CPHXL2: variants seen among roughly 807,000 people sequenced by gnomAD.
CPHXL2 encodes the protein cytoplasmic polyadenylated homeobox like 2.
chr16:75,660,276 C>T, the CPHXL2 span: 6 of 398,342 alleles, frequency 1.5e-5, no homozygotes, highest in Middle Eastern at 6.2e-4. Flanking sequence ...TGCAAAGCTG[C>T]ATCCTTGGGT....
the CPHXL2 span, among the ~76,000 whole-genome samples, chr16:75,670,635 A>G: frequency 6.6e-6 from 1 of 152,032 alleles, no homozygotes; most frequent in Non-Finnish European, 1.5e-5. Flanking sequence ...CAGCCTCCTG[A>G]GTAGCTGGGA....
At chr16:75,675,049 CATG>C in the CPHXL2 span, among the ~76,000 whole-genome samples, 5 of 150,804 alleles carry the variant, frequency 3.3e-5, no homozygotes, top group African/African-American at 7.3e-5. Context: ...ATTAACCAGT[CATG>C]GTGGTGGGCA....
chr16:75,676,767 A>C, the CPHXL2 span, among the ~76,000 whole-genome samples: 2 of 152,206 alleles, frequency 1.3e-5, no homozygotes, highest in African/African-American at 4.8e-5. Flanking sequence ...AAAACTAAAG[A>C]ATTTTATAAA....
chr16:75,662,371 C>G, the CPHXL2 span, among the ~76,000 whole-genome samples: 2 of 143,998 alleles, frequency 1.4e-5, no homozygotes, highest in Admixed American at 1.4e-4. Flanking sequence ...CTTCATTGCA[C>G]AGGCATGATT....
chr16:75,660,758 C>T, the CPHXL2 span: 1 of 398,546 alleles, frequency 2.5e-6, no homozygotes, highest in Non-Finnish European at 4.4e-6. Flanking sequence ...GAAAATATGG[C>T]ACAGAAGATG....
the CPHXL2 span, among the ~76,000 whole-genome samples, chr16:75,675,546 A>C: frequency 6.6e-6 from 1 of 152,108 alleles, no homozygotes; most frequent in Non-Finnish European, 1.5e-5. Context: ...ACCGAAGAAA[A>C]AATGTTTGGA....
At chr16:75,672,814 G>A in the CPHXL2 span, among the ~76,000 whole-genome samples, 17 of 152,130 alleles carry the variant, frequency 1.1e-4, no homozygotes, top group Admixed American at 7.2e-4. Context: ...GGAGGCTGAT[G>A]TGGGCAGACT....
the CPHXL2 span, among the ~76,000 whole-genome samples, chr16:75,674,802 T>C: frequency 1.3e-5 from 2 of 151,648 alleles, no homozygotes; most frequent in African/African-American, 2.4e-5. Flanking sequence ...CTCTGCCTCC[T>C]GGGTTCAAGC....
At chr16:75,675,116 C>T in the CPHXL2 span, among the ~76,000 whole-genome samples, 1 of 149,764 alleles carries the variant, frequency 6.7e-6, no homozygotes, top group African/African-American at 2.5e-5. Flanking sequence ...TTGAACCCAG[C>T]AGGCAGAGGT....
the CPHXL2 span, among the ~76,000 whole-genome samples, chr16:75,666,608 CAAAAA>C: frequency 1.1e-4 from 7 of 65,116 alleles, no homozygotes; most frequent in African/African-American, 3.8e-4. Flanking sequence ...AACTCTATCT[CAAAAA>C]AAAAAAAAAA....
the CPHXL2 span, among the ~76,000 whole-genome samples, chr16:75,661,754 T>G: frequency 6.6e-6 from 1 of 152,198 alleles, no homozygotes; most frequent in Non-Finnish European, 1.5e-5. Context: ...GGTTCAAGTT[T>G]CACAAGTAAA....
the CPHXL2 span, among the ~76,000 whole-genome samples, chr16:75,673,082 AAAAAAAAAAAAAAAGAC>A: frequency 6.6e-6 from 1 of 150,618 alleles, no homozygotes; most frequent in Admixed American, 6.6e-5. Context: ...TCTCAAAAAA[AAAAAAAAAAAAAAAGAC>A]AAAAAAAAGA....
the CPHXL2 span, among the ~76,000 whole-genome samples, chr16:75,665,845 A>G: frequency 6.6e-6 from 1 of 152,204 alleles, no homozygotes; most frequent in Non-Finnish European, 1.5e-5. Context: ...AGCCTGGGCA[A>G]CAGAGCAAGA....
the CPHXL2 span, chr16:75,660,891 A>G: frequency 2.0e-5 from 8 of 398,706 alleles, no homozygotes; most frequent in East Asian, 2.8e-4. Context: ...ACCTGCGACC[A>G]GATAGGAGCA....
At chr16:75,670,970 C>T in the CPHXL2 span, among the ~76,000 whole-genome samples, 1 of 152,162 alleles carries the variant, frequency 6.6e-6, no homozygotes, top group Non-Finnish European at 1.5e-5. Flanking sequence ...ATTCTCTCTT[C>T]CTGGGAAGGT....
the CPHXL2 span, among the ~76,000 whole-genome samples, chr16:75,666,623 A>G: frequency 6.6e-6 from 1 of 151,840 alleles, no homozygotes; most frequent in Non-Finnish European, 1.5e-5. Flanking sequence ...AAAAAAAAAA[A>G]AAAAAAAAAT....
chr16:75,667,566 C>T, the CPHXL2 span, among the ~76,000 whole-genome samples: 1 of 152,144 alleles, frequency 6.6e-6, no homozygotes, highest in African/African-American at 2.4e-5. Context: ...GGCATTTTCT[C>T]AACTGATTCT....
chr16:75,670,880 T>C, the CPHXL2 span, among the ~76,000 whole-genome samples: 21 of 152,286 alleles, frequency 1.4e-4, no homozygotes, highest in South Asian at 3.9e-3. Context: ...CTTCTTCTTT[T>C]CCCCCTCACT....
chr16:75,664,623 C>CT, the CPHXL2 span, among the ~76,000 whole-genome samples: 1 of 39,770 alleles, frequency 2.5e-5, no homozygotes, highest in East Asian at 6.9e-4. Context: ...AAAACTCCAT[C>CT]TCAAAAAAAA....
Sources: gnomAD v4.1 joint callset for allele counts (sites outside exome capture counted in the v4.1 genomes callset) on GRCh38, gnomAD v4.1.1 for gene constraint, MANE v1.5 for transcripts, NCBI Gene and HGNC (gene_info 2026-07-23, HGNC 2026-07-21) for gene names.